Variants in SOHLH2 observed in about 807,000 individuals in gnomAD.
The protein encoded by SOHLH2 is spermatogenesis and oogenesis specific basic helix-loop-helix 2, also known as spermatogenesis- and oogenesis-specific basic helix-loop-helix-containing protein 2.
Under a neutral mutation model 50.4 loss-of-function variants are expected in SOHLH2, and 22 were observed. The observed-to-expected ratio is 0.44, with a 90% CI of 0.31 to 0.62. SOHLH2 has a LOEUF of 0.62. SOHLH2 is among the 20% of genes least tolerant of loss of function. SOHLH2 has a pLI of 0.08. For synonymous variants in SOHLH2, 185 were observed against 187.3 expected, an observed-to-expected ratio of 0.99 and a Z score of 0.10; for missense variants, 412 against 504.4, an observed-to-expected ratio of 0.82 and a Z score of 1.76.
At chr13:36,199,197 T>C (rs78972162) in intron 2 of SOHLH2, among the ~76,000 whole-genome samples, 5,304 of 152,278 alleles carry the variant, frequency 0.035, 118 homozygotes, top group South Asian at 0.11. Flanking sequence ...AAACATCCTC[T>C]ACAGGGGTTT....
intron 1 of SOHLH2, among the ~76,000 whole-genome samples, chr13:36,209,686 G>C (rs1868993702): frequency 6.6e-6 from 1 of 152,182 alleles, no homozygotes; most frequent in Admixed American, 6.5e-5. Flanking sequence ...ATTCGGTAGA[G>C]GGCACAAACA....
intron 2 of SOHLH2, among the ~76,000 whole-genome samples, chr13:36,196,885 A>G (rs1887747224): frequency 6.6e-6 from 1 of 152,176 alleles, no homozygotes; most frequent in Non-Finnish European, 1.5e-5. Flanking sequence ...GAACTCCTGC[A>G]ATCGATAAGA....
intron 6 of SOHLH2, among the ~76,000 whole-genome samples, chr13:36,185,586 A>C (rs974777438): frequency 6.6e-6 from 1 of 152,190 alleles, no homozygotes; most frequent in African/African-American, 2.4e-5. Flanking sequence ...AATCTGCTTC[A>C]CTGAAAAAAA....
At chr13:36,188,023 G>A (rs1887469436) in intron 6 of SOHLH2, among the ~76,000 whole-genome samples, 1 of 152,084 alleles carries the variant, frequency 6.6e-6, no homozygotes, top group Non-Finnish European at 1.5e-5. Context: ...GGAGCCCTAA[G>A]CCACCATGAA....
chr13:36,174,468 T>TA lies in SOHLH2; in HGVS notation c.881+7dup, dbSNP rs1887048448. 5 of 1,612,608 alleles carry TA rather than the reference T, an allele frequency of 3.1e-6. No homozygotes were observed. Among genetic ancestry groups the TA allele is most frequent in the Non-Finnish European group, 4.2e-6 (5 of 1,179,692 alleles). On this transcript the variant is annotated splice_region_variant and intron_variant, in intron 8 of 10. Coordinates refer to ENST00000379881, the MANE Select transcript of SOHLH2 (RefSeq NM_017826.3). ...CAGACTTCAGATTCGCAAAAGCCCTTATCATACCGCTGTGCCATGACAGTG... is the reference window on the plus strand; with the variant it reads ...CAGACTTCAGATTCGCAAAAGCCCTTAATCATACCGCTGTGCCATGACAGTG...
In SOHLH2 at chr13:36,174,735, G is replaced by A. The variant is rs753718206; in HGVS notation, c.776C>T (p.Ala259Val). The A allele has an allele frequency of 6.2e-7, 1 of 1,607,010 alleles. No homozygotes were observed. Among genetic ancestry groups the A allele is most frequent in the East Asian group, 2.2e-5 (1 of 44,868 alleles). Residue 259 changes from alanine (A) to valine (V), a missense_variant, in exon 7 of 11, where the codon GCC (alanine) becomes GTC (valine). Transcript: ENST00000379881. ...GGAGTCAAATACCTGGGCCATAACG[G>A]CTGGAGAGATTTTCTCCCGGATATA... ...VKYIREKISP[A>V]VMAQITEALQ...
chr13:36,189,927 G>C lies in SOHLH2; in HGVS notation c.641+19C>G, dbSNP rs1887527402. On this transcript the variant is annotated intron_variant, in intron 6 of 10. Coordinates refer to ENST00000379881, the MANE Select transcript of SOHLH2 (RefSeq NM_017826.3). ...CCTACAAAAGAATAATGCTTAAAAA[G>C]TGCTATATTAAAATTCACCTTCTTA... The C allele has an allele frequency of 6.4e-7, 1 of 1,564,744 alleles. No homozygotes were observed. The highest frequency in any genetic ancestry group is 1.9e-5 in the Admixed American group (1 of 53,266).
At chr13:36,193,557 A>T in intron 4 of SOHLH2, 64 bp downstream of exon 4, 2 of 1,497,014 alleles carry the variant, frequency 1.3e-6, no homozygotes, top group South Asian at 1.3e-5. Context: ...TTGTCAGAAT[A>T]TATGAGCAGA....
At chr13:36,205,419 T>A (rs955755219) in intron 1 of SOHLH2, among the ~76,000 whole-genome samples, 1 of 152,148 alleles carries the variant, frequency 6.6e-6, no homozygotes, top group Non-Finnish European at 1.5e-5. Flanking sequence ...ATATCCTTTA[T>A]CAGTTAAAAA....
intron 6 of SOHLH2, 62 bp downstream of exon 6, chr13:36,189,884 A>G: frequency 1.4e-6 from 2 of 1,451,830 alleles, no homozygotes; most frequent in Non-Finnish European, 1.8e-6. Context: ...AAAAAATTAT[A>G]AAATTCATTA....
intron 9 of SOHLH2, among the ~76,000 whole-genome samples, chr13:36,171,518 T>G (rs1886961026): frequency 6.6e-6 from 1 of 152,190 alleles, no homozygotes; most frequent in African/African-American, 2.4e-5. Flanking sequence ...CTTAACTGAT[T>G]GCAACTTCTC....
chr13:36,207,705 C>T (rs1383513060), intron 1 of SOHLH2, among the ~76,000 whole-genome samples: 1 of 152,156 alleles, frequency 6.6e-6, no homozygotes, highest in Non-Finnish European at 1.5e-5. Context: ...ACTTAGTCCT[C>T]GTGTCTCCTA....
chr13:36,206,694 T>C (rs750146617), intron 1 of SOHLH2, among the ~76,000 whole-genome samples: 16 of 151,900 alleles, frequency 1.1e-4, no homozygotes, highest in Non-Finnish European at 1.5e-4. Flanking sequence ...AGAACAAAAT[T>C]GTTAATTCTT....
At chr13:36,188,237 C>T (rs959467061) in intron 6 of SOHLH2, among the ~76,000 whole-genome samples, 5 of 152,264 alleles carry the variant, frequency 3.3e-5, no homozygotes, top group South Asian at 2.1e-4. Flanking sequence ...GAGCCCTGCT[C>T]GAACTGCTAA....
At chr13:36,180,044 G>T (rs540908913) in intron 6 of SOHLH2, among the ~76,000 whole-genome samples, 3 of 152,182 alleles carry the variant, frequency 2.0e-5, no homozygotes, top group African/African-American at 7.2e-5. Context: ...CTTTGGTAAG[G>T]TTTTGATAAC....
At chr13:36,201,841 G>C (rs1209971144) in intron 2 of SOHLH2, 38 bp downstream of exon 2, 1 of 1,594,220 alleles carries the variant, frequency 6.3e-7, no homozygotes, top group African/African-American at 1.4e-5. Context: ...TTAAAAAAAT[G>C]ATTCTAAAGA....
At chr13:36,210,241 A>T (rs1869031827) in intron 1 of SOHLH2, among the ~76,000 whole-genome samples, 1 of 152,140 alleles carries the variant, frequency 6.6e-6, no homozygotes, top group African/African-American at 2.4e-5. Flanking sequence ...GGAGTTCTGT[A>T]CCCAGCTAAT....
At chr13:36,179,502 G>A (rs1005496107) in intron 6 of SOHLH2, among the ~76,000 whole-genome samples, 2 of 152,116 alleles carry the variant, frequency 1.3e-5, no homozygotes, top group African/African-American at 4.8e-5. Flanking sequence ...TCTGCCTACT[G>A]GGCTCAAGTG....
rs781413078 is a variant in SOHLH2, at chr13:36,182,173, A to G, written c.642-7304T>C. The stretch of plus-strand genomic sequence containing the variant: ...GTGGCAGCCAAGACTGAGTGGGGAA[A>G]TGCAGGAGCAAAAGATGGTAATACA... On this transcript the variant is annotated intron_variant, in intron 6 of 10. Coordinates refer to ENST00000379881, the MANE Select transcript of SOHLH2 (RefSeq NM_017826.3). The G allele has an allele frequency of 5.6e-4, 550 of 985,408 alleles. 1 individual carries two copies. Among genetic ancestry groups the G allele is most frequent in the Middle Eastern group, 2.6e-3 (5 of 1,914 alleles). 61.0% of individuals were successfully genotyped at this position (985,408 alleles called of 1,614,324 possible).
Sources: allele counts gnomAD v4.1 joint callset (sites outside exome capture counted in the v4.1 genomes callset), GRCh38; gene constraint gnomAD v4.1.1; transcripts MANE v1.5; gene names NCBI Gene and HGNC (gene_info 2026-07-23, HGNC 2026-07-21).